The following ZDHHC3 variants were observed in gnomAD, a reference collection of about 807,000 sequenced individuals.
The protein encoded by ZDHHC3 is palmitoyltransferase ZDHHC3.
In ZDHHC3, 9 loss-of-function variants were observed where a neutral mutation model predicts 30.6. The observed-to-expected ratio is 0.29, with a 90% CI of 0.18 to 0.51. The LOEUF is 0.51. Among genes scored for constraint, ZDHHC3 ranks in the 20% least tolerant of loss-of-function variants. The probability of loss-of-function intolerance (pLI) is 0.97; values close to 1 mark genes in which losing one functional copy is unlikely to be tolerated. For synonymous variants in ZDHHC3, 136 were observed against 140.2 expected (o/e 0.97, Z 0.21); for missense variants, 246 against 384.2 (o/e 0.64, Z 3.01).
intron 1 of ZDHHC3, among the ~76,000 whole-genome samples, chr3:44,964,288 G>C (rs1704738660): frequency 6.6e-6 from 1 of 152,224 alleles, no homozygotes; most frequent in Non-Finnish European, 1.5e-5. Context: ...TTCATGGCAA[G>C]GACTTCTGAA....
chr3:44,920,340 G>A lies in ZDHHC3; in HGVS notation c.*6349C>T. On this transcript the variant is annotated 3_prime_UTR_variant, in exon 7 of 7. Coordinates refer to ENST00000424952, the MANE Select transcript of ZDHHC3 (RefSeq NM_001135179.2). ...CTTCCTGGGTGATCATCTGCAGCCT[G>A]TTGAGAAAGAGGCTTTAACTTCATA... 2 of 1,289,714 alleles carry A rather than the reference G, an allele frequency of 1.6e-6. No homozygotes were observed. The highest frequency in any genetic ancestry group is 2.0e-6 in the Non-Finnish European group (2 of 988,770). The allele number at this position is 1,289,714 out of a possible 1,614,324, so 79.9% of individuals were successfully genotyped here.
At chr3:44,966,943 G>T (rs914490929) in intron 1 of ZDHHC3, among the ~76,000 whole-genome samples, 4 of 152,186 alleles carry the variant, frequency 2.6e-5, no homozygotes, top group Admixed American at 6.5e-5. Flanking sequence ...GCTAGCCAAG[G>T]AAAGTGTCCA....
intron 2 of ZDHHC3, chr3:44,958,823 C>T: frequency 1.9e-5 from 16 of 837,546 alleles, no homozygotes; most frequent in Non-Finnish European, 2.9e-5. Flanking sequence ...TTATCTGTGT[C>T]TTTTTAACCA....
In ZDHHC3 at chr3:44,934,085, T is replaced by C. The variant is rs561058403; in HGVS notation, c.432-101A>G. 7 of 1,157,610 alleles carry C rather than the reference T, an allele frequency of 6.0e-6. No homozygotes were observed. The East Asian group carries it at 1.4e-4, about 23-fold the overall frequency. 71.7% of individuals were successfully genotyped at this position (1,157,610 alleles called of 1,614,324 possible). On this transcript the variant is annotated intron_variant, in intron 3 of 6. Transcript: ENST00000424952. ...TGGCTCCTGCTCCACTCCTCTGAAA[T>C]GGCTTCCTTGGGCACTGCCAGGGGT...
intron 2 of ZDHHC3, among the ~76,000 whole-genome samples, chr3:44,950,795 C>G (rs1703379674): frequency 2.0e-5 from 3 of 152,166 alleles, no homozygotes; most frequent in Admixed American, 2.0e-4. Context: ...TGGTAAGGAA[C>G]TTTGTTCTTT....
chr3:44,932,824 C>A (rs1276002159), intron 5 of ZDHHC3: 2 of 1,337,642 alleles, frequency 1.5e-6, no homozygotes, highest in African/African-American at 2.9e-5. Flanking sequence ...GCATTGGAAC[C>A]GGCCTCTGTG....
rs1196024433 is a variant in ZDHHC3, at chr3:44,923,030, G to A, written c.*3659C>T. On this transcript the variant is annotated 3_prime_UTR_variant, in exon 7 of 7. Transcript: ENST00000424952. ...TGAGAAAGCCCATCCCAGCCCACCCGGAGAGGAGTTTCTGTGTAATGCCAA... is the reference window on the plus strand; with the variant it reads ...TGAGAAAGCCCATCCCAGCCCACCCAGAGAGGAGTTTCTGTGTAATGCCAA... 4 of 947,716 alleles carry A rather than the reference G, an allele frequency of 4.2e-6. No individual in the cohort carries two copies. The highest frequency in any genetic ancestry group is 1.8e-5 in the African/African-American group (1 of 55,734). 58.7% of individuals were successfully genotyped at this position (947,716 alleles called of 1,614,324 possible).
At chr3:44,956,708 T>A (rs1034013499) in intron 2 of ZDHHC3, among the ~76,000 whole-genome samples, 1 of 152,122 alleles carries the variant, frequency 6.6e-6, no homozygotes, top group Non-Finnish European at 1.5e-5. Context: ...GTTTCACTGC[T>A]CTCACTTTGG....
At chr3:44,967,601 G>A (rs1298604810) in intron 1 of ZDHHC3, among the ~76,000 whole-genome samples, 7 of 152,074 alleles carry the variant, frequency 4.6e-5, no homozygotes, top group African/African-American at 1.4e-4. Flanking sequence ...TTGGAAATCC[G>A]TAGAAGACAC....
Position 44,924,618 on chromosome 3 carries a change from G to A in ZDHHC3, c.*2071C>T, listed in dbSNP as rs913488033. The A allele has an allele frequency of 3.0e-6, 3 of 985,330 alleles. No homozygotes were observed. Among genetic ancestry groups the A allele is most frequent in the Admixed American group, 6.1e-5 (1 of 16,266 alleles). The allele number at this position is 985,330 out of a possible 1,614,324, so 61.0% of individuals were successfully genotyped here. The stretch of plus-strand genomic sequence containing the variant: ...TCTACTGCATTCCTGAGAAATGCCA[G>A]GGGAAAAGAGCTAACCTGGCTCACT... On this transcript the variant is annotated 3_prime_UTR_variant, in exon 7 of 7. Coordinates refer to ENST00000424952, the MANE Select transcript of ZDHHC3 (RefSeq NM_001135179.2).
rs978936605 is a variant in ZDHHC3 at position 44,921,895 on chromosome 3, G to T, written c.*4794C>A. ...CATCCTTATGTCCGTGTTAGAGCAT[G>T]TGCGGCCCCTAGAAGGCTTTTAGCG... On this transcript the variant is annotated 3_prime_UTR_variant, in exon 7 of 7. Coordinates refer to ENST00000424952, the MANE Select transcript of ZDHHC3 (RefSeq NM_001135179.2). 9 of 985,420 alleles carry T rather than the reference G, an allele frequency of 9.1e-6. No individual in the cohort carries two copies. The Admixed American group carries it at 4.3e-4, about 47-fold the overall frequency. 61.0% of individuals were successfully genotyped at this position (985,420 alleles called of 1,614,324 possible).
intron 2 of ZDHHC3, among the ~76,000 whole-genome samples, chr3:44,956,344 T>C (rs945876322): frequency 1.3e-5 from 2 of 152,162 alleles, no homozygotes; most frequent in Non-Finnish European, 2.9e-5. Context: ...GCACATAATA[T>C]AGTGGCAGTC....
intron 2 of ZDHHC3, among the ~76,000 whole-genome samples, chr3:44,955,011 T>C (rs1189128679): frequency 6.6e-6 from 1 of 152,146 alleles, no homozygotes; most frequent in Non-Finnish European, 1.5e-5. Flanking sequence ...CTAAAGTGTT[T>C]CCAGAACACA....
intron 2 of ZDHHC3, among the ~76,000 whole-genome samples, chr3:44,946,289 T>G (rs750237385): frequency 6.6e-6 from 1 of 152,260 alleles, no homozygotes; most frequent in Non-Finnish European, 1.5e-5. Flanking sequence ...TGTGAATACT[T>G]AGCGTTCTTT....
At chr3:44,932,266 C>T (rs953049217) in intron 5 of ZDHHC3, among the ~76,000 whole-genome samples, 4 of 152,084 alleles carry the variant, frequency 2.6e-5, no homozygotes, top group Admixed American at 2.6e-4. Context: ...CCCTACCCTC[C>T]TCTCCTATCT....
chr3:44,966,639 C>G (rs997321775), intron 1 of ZDHHC3, among the ~76,000 whole-genome samples: 16 of 152,162 alleles, frequency 1.1e-4, no homozygotes. Flanking sequence ...CCTGCAACCT[C>G]AAAGATCAAA....
chr3:44,933,563 T>C, intron 4 of ZDHHC3: 1 of 531,960 alleles, frequency 1.9e-6, no homozygotes, highest in Non-Finnish European at 3.4e-6. Flanking sequence ...TTGCACTAAG[T>C]AGACTCCACC....
At chr3:44,939,199 C>T (rs566420083) in intron 3 of ZDHHC3, among the ~76,000 whole-genome samples, 2 of 152,218 alleles carry the variant, frequency 1.3e-5, no homozygotes, top group African/African-American at 4.8e-5. Context: ...ACAAAAGGGA[C>T]ATGGAGGTAA....
chr3:44,934,703 C>T (rs1354271654), intron 3 of ZDHHC3, among the ~76,000 whole-genome samples: 3 of 151,704 alleles, frequency 2.0e-5, no homozygotes, highest in African/African-American at 7.2e-5. Flanking sequence ...ACCAGCCTGA[C>T]GAACATGGCG....
Sources: gnomAD v4.1 joint callset for allele counts (sites outside exome capture counted in the v4.1 genomes callset) on GRCh38, gnomAD v4.1.1 for gene constraint, MANE v1.5 for transcripts, NCBI Gene and HGNC (gene_info 2026-07-23, HGNC 2026-07-21) for gene names.